The following CD2AP variants were observed in gnomAD, a reference collection of about 807,000 sequenced individuals.
CD2AP encodes CD2 associated protein.
A neutral mutation model predicts 85.1 loss-of-function variants in CD2AP; 46 were observed. That is an observed-to-expected ratio of 0.54 (90% CI 0.43 to 0.69). The LOEUF is 0.69. Ranked by LOEUF, CD2AP falls within the 30% of genes least tolerant of loss-of-function variation. The pLI is 0.00. For synonymous variants in CD2AP, 255 were observed against 252.9 expected, an observed-to-expected ratio of 1.01 and a Z score of -0.08; for missense variants, 769 against 729.5, an observed-to-expected ratio of 1.05 and a Z score of -0.62.
intron 1 of CD2AP, among the ~76,000 whole-genome samples, chr6:47,494,102 CCTT>C (rs1487730543): frequency 6.6e-6 from 1 of 152,108 alleles, no homozygotes; most frequent in Non-Finnish European, 1.5e-5. Flanking sequence ...CTTTTTCTTG[CCTT>C]CTTAGCATGA....
At chr6:47,553,135 T>C (rs1015842552) in intron 4 of CD2AP, among the ~76,000 whole-genome samples, 1 of 152,178 alleles carries the variant, frequency 6.6e-6, no homozygotes, top group African/African-American at 2.4e-5. Flanking sequence ...CAGGGATTTC[T>C]CATATGCAAG....
intron 17 of CD2AP, among the ~76,000 whole-genome samples, chr6:47,618,579 G>A (rs1006547275): frequency 2.0e-5 from 3 of 151,866 alleles, no homozygotes; most frequent in Admixed American, 6.6e-5. Context: ...TCTTAAATTC[G>A]CAGCATGTAA....
chr6:47,591,685 T>C (rs1768796418), intron 11 of CD2AP, among the ~76,000 whole-genome samples: 1 of 152,154 alleles, frequency 6.6e-6, no homozygotes, highest in Admixed American at 6.6e-5. Flanking sequence ...TGGGTTAACT[T>C]ATTACGTACA....
At chr6:47,547,922 G>T (rs1186163174) in intron 4 of CD2AP, among the ~76,000 whole-genome samples, 1 of 152,088 alleles carries the variant, frequency 6.6e-6, no homozygotes, top group East Asian at 1.9e-4. Context: ...ACTCCTGAAT[G>T]ATCATTGGGT....
intron 11 of CD2AP, among the ~76,000 whole-genome samples, chr6:47,585,453 G>A (rs985880811): frequency 2.0e-5 from 3 of 152,088 alleles, no homozygotes; most frequent in Admixed American, 6.6e-5. Context: ...TTCACATATC[G>A]GACATCAGAC....
intron 1 of CD2AP, among the ~76,000 whole-genome samples, chr6:47,502,719 C>T (rs990607657): frequency 6.6e-6 from 1 of 152,202 alleles, no homozygotes; most frequent in Non-Finnish European, 1.5e-5. Flanking sequence ...GTCTCCATCT[C>T]TTGACCTCGT....
chr6:47,606,591 A>G (rs905366340), intron 14 of CD2AP, among the ~76,000 whole-genome samples: 2 of 152,066 alleles, frequency 1.3e-5, no homozygotes, highest in Admixed American at 6.6e-5. Context: ...TGAGCAGCAG[A>G]TACTCACTTT....
chr6:47,511,908 C>T lies in CD2AP; in HGVS notation c.165+8468C>T, dbSNP rs953776812. Among the ~76,000 whole-genome samples the T allele has an allele frequency of 7.2e-5, 11 of 151,982 alleles. 1 individual carries two copies. Among genetic ancestry groups the T allele is most frequent in the African/African-American group, 2.7e-4 (11 of 41,386 alleles). ...CGGGGGTGGCTCACACTTGTAATCCCAGCACTTTGGGAGGCCGAGGTGGGC... is the reference window on the plus strand; with the variant it reads ...CGGGGGTGGCTCACACTTGTAATCCTAGCACTTTGGGAGGCCGAGGTGGGC... On this transcript the variant is annotated intron_variant, in intron 2 of 17. Coordinates refer to ENST00000359314, the MANE Select transcript of CD2AP (RefSeq NM_012120.3).
intron 4 of CD2AP, among the ~76,000 whole-genome samples, chr6:47,548,520 GAACAGAACAAT>G (rs1242255059): frequency 6.6e-6 from 1 of 152,062 alleles, no homozygotes; most frequent in African/African-American, 2.4e-5. Context: ...TACATATGCT[GAACAGAACAAT>G]AACAGGCAGC....
At chr6:47,557,514 G>A (rs964228468) in intron 5 of CD2AP, among the ~76,000 whole-genome samples, 5 of 152,150 alleles carry the variant, frequency 3.3e-5, no homozygotes, top group African/African-American at 1.2e-4. Context: ...AAGGTATAAG[G>A]AAGGGGTCCA....
At position 47,580,880 on chromosome 6, in the gene CD2AP, C is replaced by G. The variant is rs373177642; in HGVS notation, c.1025C>G (p.Pro342Arg). 6.2e-7 allele frequency: 1 copy of G among 1,608,620 alleles called. No homozygotes were observed. Among genetic ancestry groups the G allele is most frequent in the Non-Finnish European group, 8.5e-7 (1 of 1,175,332 alleles). Residue 342 changes from proline (P) to arginine (R), a missense_variant, in exon 10 of 18, where the codon CCA becomes CGA. Physicochemically the swap from Pro to Arg is moderately radical, Grantham distance 103. Coordinates refer to ENST00000359314, the MANE Select transcript of CD2AP (RefSeq NM_012120.3). ...DKDFPKPKKP[P>R]PPAKAPAPKP... The stretch of plus-strand genomic sequence containing the variant: ...TTTTAACAGAAACCAAAGAAACCAC[C>G]ACCTCCTGCTAAGGCTCCAGGTATG...
chr6:47,609,113 A>C lies in CD2AP; in HGVS notation c.1633-10A>C, dbSNP rs753847051. ...AAATAAAATCAGAAATTTTTTTTTT[A>C]CGTTTTCAGCCATCTGTGTACCTTT... On this transcript the variant is annotated splice_polypyrimidine_tract_variant and intron_variant, in intron 15 of 17. Coordinates refer to ENST00000359314, the MANE Select transcript of CD2AP (RefSeq NM_012120.3). The C allele has an allele frequency of 6.3e-7, 1 of 1,576,806 alleles. No individual in the cohort carries two copies. Among genetic ancestry groups the C allele is most frequent in the Admixed American group, 1.8e-5 (1 of 54,266 alleles).
intron 1 of CD2AP, among the ~76,000 whole-genome samples, chr6:47,484,174 C>T (rs1312002252): frequency 6.6e-6 from 1 of 152,070 alleles, no homozygotes; most frequent in Non-Finnish European, 1.5e-5. Flanking sequence ...GACAGTAGCT[C>T]ACAGTAGAGA....
chr6:47,484,848 G>A (rs1311558624), intron 1 of CD2AP, among the ~76,000 whole-genome samples: 1 of 152,130 alleles, frequency 6.6e-6, no homozygotes, highest in East Asian at 1.9e-4. Context: ...ATCATTAGGG[G>A]TTTCTAGTAG....
intron 5 of CD2AP, among the ~76,000 whole-genome samples, chr6:47,559,647 C>T (rs921065969): frequency 6.6e-6 from 1 of 152,110 alleles, no homozygotes; most frequent in Admixed American, 6.5e-5. Flanking sequence ...TTCTAGAAAT[C>T]ATTAAGATTA....
At chr6:47,605,095 ACATATAAATAT>A (rs1276680424) in intron 13 of CD2AP, among the ~76,000 whole-genome samples, 1 of 152,044 alleles carries the variant, frequency 6.6e-6, no homozygotes, top group African/African-American at 2.4e-5. Context: ...CTGAGTTAGA[ACATATAAATAT>A]CTGACAGAAA....
chr6:47,553,202 A>G (rs1767574082), intron 4 of CD2AP, among the ~76,000 whole-genome samples: 1 of 151,582 alleles, frequency 6.6e-6, no homozygotes, highest in Non-Finnish European at 1.5e-5. Context: ...CTGTTAGATG[A>G]CTAACTTAGT....
At chr6:47,621,077 T>A (rs985093626) in intron 17 of CD2AP, among the ~76,000 whole-genome samples, 1 of 152,222 alleles carries the variant, frequency 6.6e-6, no homozygotes, top group African/African-American at 2.4e-5. Flanking sequence ...CTTCCAGTAC[T>A]ATGTTGAAGA....
intron 5 of CD2AP, among the ~76,000 whole-genome samples, chr6:47,559,262 T>G (rs1767782351): frequency 6.6e-6 from 1 of 151,662 alleles, no homozygotes; most frequent in Middle Eastern, 3.4e-3. Context: ...GTGCAATTTT[T>G]TTTTTTTTTT....
Sources: allele counts gnomAD v4.1 joint callset (sites outside exome capture counted in the v4.1 genomes callset), GRCh38; gene constraint gnomAD v4.1.1; transcripts MANE v1.5; gene names NCBI Gene and HGNC (gene_info 2026-07-23, HGNC 2026-07-21).